MARCHF1: variants seen among roughly 807,000 people sequenced by gnomAD.
MARCHF1 encodes the protein E3 ubiquitin-protein ligase MARCHF1.
Under a neutral mutation model 54.2 loss-of-function variants are expected in MARCHF1, and 40 were observed. The observed-to-expected ratio is 0.74, with a 90% confidence interval of 0.57 to 0.96. The LOEUF is 0.96. MARCHF1 is among the 40% of genes least tolerant of loss of function. The pLI, the probability that MARCHF1 is intolerant of heterozygous loss-of-function variation, is 0.00. For missense variants in MARCHF1, 586 were observed against 656.5 expected, an observed-to-expected ratio of 0.89 and a Z score of 1.17; for synonymous variants, 236 against 236.3, an observed-to-expected ratio of 1.00 and a Z score of 0.01.
At chr4:163,627,904 C>T (rs1741928898) in intron 5 of MARCHF1, among the ~76,000 whole-genome samples, 1 of 151,898 alleles carries the variant, frequency 6.6e-6, no homozygotes. Flanking sequence ...AATCTCAACC[C>T]TTACCTTACC....
At chr4:164,236,784 G>A (rs1314066444) in intron 1 of MARCHF1, among the ~76,000 whole-genome samples, 1 of 152,132 alleles carries the variant, frequency 6.6e-6, no homozygotes, top group Admixed American at 6.6e-5. Context: ...TAACCCAAAT[G>A]ATTAATATGC....
At chr4:163,951,551 C>T (rs970133833) in intron 3 of MARCHF1, among the ~76,000 whole-genome samples, 32 of 152,144 alleles carry the variant, frequency 2.1e-4, no homozygotes, top group African/African-American at 6.5e-4. Context: ...ATCCCTAAAA[C>T]GAAGCCTCCA....
intron 2 of MARCHF1, among the ~76,000 whole-genome samples, chr4:164,050,794 G>C (rs926170736): frequency 6.6e-6 from 1 of 152,226 alleles, no homozygotes; most frequent in African/African-American, 2.4e-5. Context: ...TTAGACGGGC[G>C]TGGTGGTGCA....
At chr4:164,356,571 T>A (rs1162154928) in intron 1 of MARCHF1, among the ~76,000 whole-genome samples, 1 of 127,780 alleles carries the variant, frequency 7.8e-6, no homozygotes, top group African/African-American at 2.8e-5. Flanking sequence ...AACAATGAGA[T>A]CACATGGACA....
intron 3 of MARCHF1, among the ~76,000 whole-genome samples, chr4:163,950,847 C>T (rs1485601311): frequency 6.6e-6 from 1 of 152,210 alleles, no homozygotes; most frequent in African/African-American, 2.4e-5. Context: ...AGAAATTGAT[C>T]TAAAGAAATC....
At chr4:164,264,019 T>C (rs1733537709) in intron 1 of MARCHF1, among the ~76,000 whole-genome samples, 1 of 152,122 alleles carries the variant, frequency 6.6e-6, no homozygotes. Flanking sequence ...TATAAATAAT[T>C]CTACCATAAA....
In MARCHF1 at chr4:163,684,547, T is replaced by C. The variant is rs1460444755; in HGVS notation, c.162+16266A>G. ...TCCTTCATAAGATTCATCTCTATTTTATTCTGTATTTCATTTCTAATTTTA... is the reference window on the plus strand; with the variant it reads ...TCCTTCATAAGATTCATCTCTATTTCATTCTGTATTTCATTTCTAATTTTA... On this transcript the variant is annotated intron_variant, in intron 5 of 9. Coordinates refer to ENST00000514618, the MANE Select transcript of MARCHF1 (RefSeq NM_001394959.1). 4.6e-5 allele frequency among the ~76,000 whole-genome samples: 7 copies of C among 152,370 alleles called. No homozygotes were observed. In the East Asian group the frequency reaches 7.7e-4, roughly 17 times the overall value.
chr4:164,116,678 C>T (rs2110753204), intron 1 of MARCHF1, among the ~76,000 whole-genome samples: 1 of 152,120 alleles, frequency 6.6e-6, no homozygotes, highest in East Asian at 1.9e-4. Flanking sequence ...TTGCTAGTAA[C>T]TATCATCCTG....
At chr4:163,931,744 A>G (rs1233579795) in intron 3 of MARCHF1, among the ~76,000 whole-genome samples, 1 of 152,204 alleles carries the variant, frequency 6.6e-6, no homozygotes, top group African/African-American at 2.4e-5. Context: ...TAAATACACC[A>G]ATGACAGATG....
chr4:164,123,633 A>G (rs541190996), intron 1 of MARCHF1, among the ~76,000 whole-genome samples: 1 of 151,924 alleles, frequency 6.6e-6, no homozygotes, highest in South Asian at 2.1e-4. Context: ...TCGAGTATGC[A>G]GAAACAAATC....
intron 1 of MARCHF1, among the ~76,000 whole-genome samples, chr4:164,190,780 C>T (rs1174882792): frequency 6.6e-6 from 1 of 152,096 alleles, no homozygotes; most frequent in Non-Finnish European, 1.5e-5. Flanking sequence ...ATATGAAATC[C>T]TTTTATATTT....
chr4:163,572,068 C>T (rs2110758465), intron 8 of MARCHF1, among the ~76,000 whole-genome samples: 1 of 152,096 alleles, frequency 6.6e-6, no homozygotes, highest in South Asian at 2.1e-4. Flanking sequence ...CTATTTTCAT[C>T]CTACTTTTTA....
intron 1 of MARCHF1, among the ~76,000 whole-genome samples, chr4:164,205,644 T>C (rs2111101699): frequency 6.6e-6 from 1 of 152,340 alleles, no homozygotes; most frequent in Non-Finnish European, 1.5e-5. Flanking sequence ...TTCTGTTTGT[T>C]TTCTTTGAAA....
At chr4:164,167,678 A>G (rs1024224923) in intron 1 of MARCHF1, among the ~76,000 whole-genome samples, 19 of 151,944 alleles carry the variant, frequency 1.3e-4, no homozygotes, top group African/African-American at 4.6e-4. Flanking sequence ...ATAGTGGGGA[A>G]CAATAATCTC....
chr4:163,832,394 T>C (rs1196912648), intron 4 of MARCHF1, among the ~76,000 whole-genome samples: 1 of 152,146 alleles, frequency 6.6e-6, no homozygotes, highest in Non-Finnish European at 1.5e-5. Flanking sequence ...GGTAATAATA[T>C]CTATCCTCCA....
intron 5 of MARCHF1, among the ~76,000 whole-genome samples, chr4:163,635,682 C>T (rs1742290554): frequency 6.6e-6 from 1 of 151,220 alleles, no homozygotes; most frequent in South Asian, 2.1e-4. Flanking sequence ...GGAACTGGTA[C>T]CATTCCTTCT....
At chr4:163,620,010 G>A (rs76167671) in intron 5 of MARCHF1, among the ~76,000 whole-genome samples, 12,962 of 152,018 alleles carry the variant, frequency 0.085, 755 homozygotes, top group East Asian at 0.24. Flanking sequence ...TCATTTTATT[G>A]CATATATGAT....
chr4:163,840,501 C>T (rs1338751478), intron 4 of MARCHF1, among the ~76,000 whole-genome samples: 1 of 152,058 alleles, frequency 6.6e-6, no homozygotes, highest in Non-Finnish European at 1.5e-5. Flanking sequence ...AGGTAGTGAG[C>T]ATAGTACCCA....
chr4:163,617,225 G>A (rs1741543030), intron 5 of MARCHF1, among the ~76,000 whole-genome samples: 1 of 152,132 alleles, frequency 6.6e-6, no homozygotes, highest in Non-Finnish European at 1.5e-5. Flanking sequence ...AATTAGAATT[G>A]TGGTCATTGG....
Sources: allele counts gnomAD v4.1 joint callset (sites outside exome capture counted in the v4.1 genomes callset), GRCh38; gene constraint gnomAD v4.1.1; transcripts MANE v1.5; gene names NCBI Gene and HGNC (gene_info 2026-07-23, HGNC 2026-07-21).